The following PLEKHA5 variants were observed in gnomAD, a reference collection of about 807,000 sequenced individuals.
PLEKHA5 encodes the protein pleckstrin homology domain-containing family A member 5.
In PLEKHA5, 55 loss-of-function variants were observed where a neutral mutation model predicts 181.9. The observed-to-expected ratio is 0.30, with a 90% confidence interval of 0.24 to 0.38. The LOEUF is 0.38. PLEKHA5 is among the 10% of genes least tolerant of loss of function. The pLI is 1.00. For synonymous variants in PLEKHA5, 535 were observed against 529.4 expected, an observed-to-expected ratio of 1.01 and a Z score of -0.15; for missense variants, 1,432 against 1,549.5, an observed-to-expected ratio of 0.92 and a Z score of 1.27.
At chr12:19,167,445 C>T (rs1322569658) in intron 3 of PLEKHA5, among the ~76,000 whole-genome samples, 1 of 98,128 alleles carries the variant, frequency 1.0e-5, no homozygotes, top group African/African-American at 4.4e-5. Context: ...GCTTTGGAAG[C>T]ATGGTTGTGG....
chr12:19,279,427 C>A (rs1423600578), intron 11 of PLEKHA5, among the ~76,000 whole-genome samples: 1 of 151,974 alleles, frequency 6.6e-6, no homozygotes, highest in Non-Finnish European at 1.5e-5. Context: ...CTTTGGGAGG[C>A]CAAGGTGGTT....
chr12:19,191,725 T>C lies in PLEKHA5; in HGVS notation c.227+59275T>C, dbSNP rs141279496. 6.6e-4 allele frequency among the ~76,000 whole-genome samples: 100 copies of C among 152,218 alleles called. 2 individuals are homozygous for C. In the East Asian group the frequency reaches 0.013, roughly 20 times the overall value. ...TTCTGGCTCAGGTTCTCTTACGAGG[T>C]TGGATGAGCCTTATGAGCTTAAGGC... On this transcript the variant is annotated intron_variant, in intron 3 of 31. Transcript: ENST00000429027.
At chr12:19,287,361 A>T in intron 12 of PLEKHA5, 112 bp from the exon 13 acceptor site, 1 of 729,616 alleles carries the variant, frequency 1.4e-6, no homozygotes, top group South Asian at 1.5e-5. Context: ...ATAAGCACTA[A>T]TAGCAATTTT....
intron 3 of PLEKHA5, among the ~76,000 whole-genome samples, chr12:19,146,711 T>G (rs957230177): frequency 1.3e-5 from 2 of 152,160 alleles, no homozygotes; most frequent in African/African-American, 4.8e-5. Context: ...CAGAACATAA[T>G]ATACCTTAGA....
At chr12:19,326,645 C>G (rs1018620403) in intron 20 of PLEKHA5, among the ~76,000 whole-genome samples, 1 of 152,032 alleles carries the variant, frequency 6.6e-6, no homozygotes, top group Non-Finnish European at 1.5e-5. Flanking sequence ...TTGTGTGATG[C>G]TGAGGTTTGG....
chr12:19,344,743 C>T (rs1343581639), intron 22 of PLEKHA5, among the ~76,000 whole-genome samples: 4 of 152,010 alleles, frequency 2.6e-5, no homozygotes, highest in Non-Finnish European at 5.9e-5. Flanking sequence ...TATTTGTTGC[C>T]TTTTTAATGT....
At chr12:19,345,074 C>G (rs2094218792) in intron 22 of PLEKHA5, among the ~76,000 whole-genome samples, 1 of 151,686 alleles carries the variant, frequency 6.6e-6, no homozygotes, top group African/African-American at 2.4e-5. Flanking sequence ...CCACTGCACT[C>G]CAACCTGGGC....
intron 3 of PLEKHA5, among the ~76,000 whole-genome samples, chr12:19,217,472 G>A (rs892051343): frequency 2.6e-5 from 4 of 152,148 alleles, no homozygotes; most frequent in Non-Finnish European, 5.9e-5. Flanking sequence ...TTTTAATTGT[G>A]CCAGTTGCTT....
chr12:19,279,287 C>T (rs1406705010), intron 11 of PLEKHA5, among the ~76,000 whole-genome samples: 1 of 152,036 alleles, frequency 6.6e-6, no homozygotes, highest in African/African-American at 2.4e-5. Flanking sequence ...GGATCACTGG[C>T]ATAGTTAAAA....
At chr12:19,253,589 G>C (rs1388204884) in intron 3 of PLEKHA5, among the ~76,000 whole-genome samples, 4 of 151,868 alleles carry the variant, frequency 2.6e-5, no homozygotes, top group Non-Finnish European at 4.4e-5. Flanking sequence ...GGCCGAGGCG[G>C]GTGGATCACC....
At chr12:19,282,766 G>T (rs1195924877) in intron 11 of PLEKHA5, among the ~76,000 whole-genome samples, 2 of 152,080 alleles carry the variant, frequency 1.3e-5, no homozygotes, top group African/African-American at 4.8e-5. Flanking sequence ...ACTCTACATT[G>T]TGTGGAACTA....
chr12:19,248,075 T>C (rs763535332), intron 3 of PLEKHA5, among the ~76,000 whole-genome samples: 1 of 151,736 alleles, frequency 6.6e-6, no homozygotes, highest in Non-Finnish European at 1.5e-5. Context: ...TTTTAAAAAT[T>C]AGGTGGGTGT....
chr12:19,238,586 C>T (rs1296078122), intron 3 of PLEKHA5, among the ~76,000 whole-genome samples: 1 of 151,978 alleles, frequency 6.6e-6, no homozygotes, highest in Non-Finnish European at 1.5e-5. Context: ...TATCTTGAAT[C>T]CGCTGAAAAT....
intron 3 of PLEKHA5, among the ~76,000 whole-genome samples, chr12:19,174,408 G>C (rs990091717): frequency 3.3e-5 from 5 of 152,274 alleles, no homozygotes; most frequent in Non-Finnish European, 7.4e-5. Flanking sequence ...AACATGGGTA[G>C]TATCATGTTG....
chr12:19,143,465 G>A (rs1167034859), intron 3 of PLEKHA5, among the ~76,000 whole-genome samples: 1 of 152,078 alleles, frequency 6.6e-6, no homozygotes, highest in South Asian at 2.1e-4. Flanking sequence ...ATACTAAGGA[G>A]TATAAAGATG....
chr12:19,246,492 A>G (rs957527014), intron 3 of PLEKHA5, among the ~76,000 whole-genome samples: 5 of 151,234 alleles, frequency 3.3e-5, no homozygotes, highest in African/African-American at 1.2e-4. Context: ...GCATGGTGGC[A>G]GGCGCCTGTA....
chr12:19,181,300 C>G (rs2048514166), intron 3 of PLEKHA5, among the ~76,000 whole-genome samples: 3 of 152,058 alleles, frequency 2.0e-5, no homozygotes, highest in Admixed American at 2.0e-4. Flanking sequence ...TGAAGTAGAA[C>G]AACAGTACCT....
At chr12:19,302,834 A>G (rs1460870900) in intron 15 of PLEKHA5, among the ~76,000 whole-genome samples, 7 of 148,990 alleles carry the variant, frequency 4.7e-5, no homozygotes, top group Admixed American at 3.3e-4. Flanking sequence ...AGTAGTCAAT[A>G]TTGAACTACA....
In PLEKHA5 at chr12:19,305,546, G is replaced by T. The variant is rs532396946; in HGVS notation, c.2038-9268G>T. Among the ~76,000 whole-genome samples the T allele has an allele frequency of 1.6e-4, 19 of 119,582 alleles. No individual in the cohort carries two copies. The South Asian group carries it at 6.0e-3, about 38-fold the overall frequency. 78.5% of individuals were successfully genotyped at this position (119,582 alleles called of 152,430 possible). On this transcript the variant is annotated intron_variant, in intron 15 of 31. Transcript: ENST00000429027. ...GCTGCACTCCAGCCTGGGTGACAGC[G>T]AGACTGTGTCTCAAAAAAAAAAAAA...
Sources: allele counts gnomAD v4.1 joint callset (sites outside exome capture counted in the v4.1 genomes callset), GRCh38; gene constraint gnomAD v4.1.1; transcripts MANE v1.5; gene names NCBI Gene and HGNC (gene_info 2026-07-23, HGNC 2026-07-21).